Variants in SORCS2 observed in about 807,000 individuals in gnomAD.
SORCS2 encodes sortilin related VPS10 domain containing receptor 2, also known as VPS10 domain-containing receptor SorCS2.
A neutral mutation model predicts 141.6 loss-of-function variants in SORCS2; 100 were observed. The observed-to-expected ratio is 0.71, with a 90% CI of 0.60 to 0.83. The LOEUF is 0.83. SORCS2 is among the 40% of genes least tolerant of loss of function. The probability of loss-of-function intolerance (pLI) is 0.00; values close to 1 mark genes in which losing one functional copy is unlikely to be tolerated. For synonymous variants in SORCS2, 789 were observed against 676.9 expected (o/e 1.17, Z -2.57); for missense variants, 1,646 against 1,560.2 (o/e 1.05, Z -0.93).
Position 7,725,366 on chromosome 4 carries a change from C to T in SORCS2, c.2745+79C>T, listed in dbSNP as rs1577125440. 3.3e-6 allele frequency: 5 copies of T among 1,513,200 alleles called. No individual in the cohort carries two copies. In the East Asian group the frequency reaches 1.2e-4, roughly 37 times the overall value. 93.7% of individuals were successfully genotyped at this position (1,513,200 alleles called of 1,614,324 possible). A position where few individuals can be genotyped will look rare whatever the true frequency, so the allele number is the denominator to read the frequency against. The stretch of plus-strand genomic sequence containing the variant: ...TGCACAGTGGGGCAGAGCATGGCCC[C>T]AGGTTTTCAGCAGAAGGAACCAGTG... On this transcript the variant is annotated intron_variant, in intron 20 of 26. Coordinates refer to ENST00000507866, the MANE Select transcript of SORCS2 (RefSeq NM_020777.3).
intron 3 of SORCS2, among the ~76,000 whole-genome samples, chr4:7,615,181 C>T (rs1718681834): frequency 6.6e-6 from 1 of 152,238 alleles, no homozygotes; most frequent in South Asian, 2.1e-4. Context: ...ATCCATCTGC[C>T]TTCCTTCACT....
chr4:7,630,184 G>C lies in SORCS2; in HGVS notation c.649-8144G>C, dbSNP rs1719793213. 5.3e-5 allele frequency among the ~76,000 whole-genome samples: 8 copies of C among 152,140 alleles called. No homozygotes were observed. In the South Asian group the frequency reaches 1.7e-3, roughly 31 times the overall value. ...GGGTGTGGTGGGCCTCTGGGACCTG[G>C]ACACAGCCCAGGACTGCTTGAGCTC... is the stretch of plus-strand genomic sequence containing the variant. On this transcript the variant is annotated intron_variant, in intron 3 of 26. Transcript: ENST00000507866.
intron 2 of SORCS2, among the ~76,000 whole-genome samples, chr4:7,510,661 T>A (rs35859606): frequency 1.9e-3 from 51 of 27,130 alleles, no homozygotes; most frequent in Non-Finnish European, 2.3e-3. Flanking sequence ...CGGCATGTCC[T>A]GGAAATGCGA....
intron 1 of SORCS2, among the ~76,000 whole-genome samples, chr4:7,371,183 C>G (rs970456066): frequency 2.0e-5 from 3 of 152,222 alleles, no homozygotes; most frequent in African/African-American, 7.2e-5. Flanking sequence ...CCCCCTCAAC[C>G]TGCTGCATTC....
At chr4:7,668,626 G>T (rs527539222) in intron 8 of SORCS2, among the ~76,000 whole-genome samples, 13 of 152,224 alleles carry the variant, frequency 8.5e-5, no homozygotes, top group African/African-American at 3.1e-4. Context: ...TAAAACCTTC[G>T]CTTTAAAAAC....
intron 1 of SORCS2, among the ~76,000 whole-genome samples, chr4:7,290,126 G>A (rs1255463562): frequency 1.3e-5 from 2 of 152,178 alleles, no homozygotes; most frequent in Non-Finnish European, 2.9e-5. Context: ...GGGCTGGCAG[G>A]AAGCTGATGG....
chr4:7,414,371 A>G (rs1725526076), intron 2 of SORCS2, among the ~76,000 whole-genome samples: 2 of 152,230 alleles, frequency 1.3e-5, no homozygotes, highest in Non-Finnish European at 2.9e-5. Flanking sequence ...AGGGATGAAT[A>G]GAAGTTTTCC....
intron 4 of SORCS2, among the ~76,000 whole-genome samples, chr4:7,645,978 C>T (rs1721047925): frequency 6.6e-6 from 1 of 152,262 alleles, no homozygotes; most frequent in East Asian, 1.9e-4. Flanking sequence ...AAAATATTTA[C>T]TACCTGGCCC....
At chr4:7,720,602 C>A (rs1000217735) in intron 18 of SORCS2, among the ~76,000 whole-genome samples, 1 of 152,194 alleles carries the variant, frequency 6.6e-6, no homozygotes, top group African/African-American at 2.4e-5. Flanking sequence ...TTGCAAACCA[C>A]ATATCCAACA....
intron 1 of SORCS2, among the ~76,000 whole-genome samples, chr4:7,302,782 TGTGTGTGCGCGCGC>T (rs1177341426): frequency 4.0e-5 from 6 of 151,162 alleles, no homozygotes; most frequent in African/African-American, 1.5e-4. Flanking sequence ...TGTGTGTGTG[TGTGTGTGCGCGCGC>T]GTGTGTGTGT....
At chr4:7,518,962 A>T (rs1733156745) in intron 2 of SORCS2, among the ~76,000 whole-genome samples, 1 of 152,150 alleles carries the variant, frequency 6.6e-6, no homozygotes, top group South Asian at 2.1e-4. Flanking sequence ...CTGCCAAGGT[A>T]ACTGGCACCT....
intron 2 of SORCS2, among the ~76,000 whole-genome samples, chr4:7,405,673 A>AT: frequency 6.6e-6 from 1 of 152,038 alleles, no homozygotes. Context: ...AACACTGCTG[A>AT]TTTTTGTGGC....
At chr4:7,340,692 C>A (rs540070963) in intron 1 of SORCS2, among the ~76,000 whole-genome samples, 1 of 152,240 alleles carries the variant, frequency 6.6e-6, no homozygotes, top group Admixed American at 6.5e-5. Flanking sequence ...GCTCCAGCTG[C>A]AGGCCCCACT....
chr4:7,324,680 C>A (rs561871027), intron 1 of SORCS2, among the ~76,000 whole-genome samples: 26 of 152,324 alleles, frequency 1.7e-4, no homozygotes, highest in African/African-American at 6.0e-4. Flanking sequence ...AGGAGACCTC[C>A]TCCACCCTGC....
chr4:7,447,899 C>T (rs912133166), intron 2 of SORCS2, among the ~76,000 whole-genome samples: 3 of 152,208 alleles, frequency 2.0e-5, no homozygotes, highest in African/African-American at 7.2e-5. Context: ...AGAGGTGTTT[C>T]TCCCCTCCCT....
intron 3 of SORCS2, among the ~76,000 whole-genome samples, chr4:7,616,955 T>G (rs1718801857): frequency 6.6e-6 from 1 of 152,228 alleles, no homozygotes; most frequent in Non-Finnish European, 1.5e-5. Flanking sequence ...GAGCCCTCTC[T>G]TGGCCCTTTT....
intron 4 of SORCS2, among the ~76,000 whole-genome samples, chr4:7,644,744 T>G (rs772176273): frequency 3.7e-4 from 57 of 152,324 alleles, no homozygotes; most frequent in Non-Finnish European, 6.8e-4. Flanking sequence ...CCTCCTGTCT[T>G]GCTTCACTCT....
At position 7,726,768 on chromosome 4, in the gene SORCS2, G is replaced by C. The variant is rs747903610; in HGVS notation, c.2746-12G>C. 5.6e-6 allele frequency: 9 copies of C among 1,612,600 alleles called. No individual in the cohort carries two copies. In the Admixed American group the frequency reaches 1.5e-4, roughly 27 times the overall value. On this transcript the variant is annotated splice_polypyrimidine_tract_variant and intron_variant, in intron 20 of 26. Coordinates refer to ENST00000507866, the MANE Select transcript of SORCS2 (RefSeq NM_020777.3). The stretch of plus-strand genomic sequence containing the variant: ...CTCGGCCAGGCCCCTAAGCCCTGCT[G>C]TGCCCCTGCAGCCCCTCCTTTCCCT...
At chr4:7,358,016 CCCCCCATTCCCAAGGAG>C (rs1721358700) in intron 1 of SORCS2, among the ~76,000 whole-genome samples, 1 of 152,178 alleles carries the variant, frequency 6.6e-6, no homozygotes, top group East Asian at 1.9e-4. Flanking sequence ...TATTTGTGTA[CCCCCCATTCCCAAGGAG>C]AGGAGTGCGC....
Sources: allele counts gnomAD v4.1 joint callset (sites outside exome capture counted in the v4.1 genomes callset), GRCh38; gene constraint gnomAD v4.1.1; transcripts MANE v1.5; gene names NCBI Gene and HGNC (gene_info 2026-07-23, HGNC 2026-07-21).